The following ARHGAP28 variants were observed in gnomAD, a reference collection of about 807,000 sequenced individuals.
The protein encoded by ARHGAP28 is rho GTPase-activating protein 28.
In ARHGAP28, 56 loss-of-function variants were observed where a neutral mutation model predicts 90.7. The ratio of observed to expected loss-of-function variants is 0.62; its 90% confidence interval spans 0.50 to 0.77. The LOEUF (loss-of-function observed/expected upper bound fraction) is 0.77, where lower values mean the gene tolerates loss of function less well. ARHGAP28 is among the 30% of genes least tolerant of loss of function. The pLI is 0.00. For synonymous variants in ARHGAP28, 308 were observed against 323.3 expected (o/e 0.95, Z 0.51); for missense variants, 869 against 900.9 (o/e 0.96, Z 0.45).
At chr18:6,768,265 T>C (rs2056215496) in intron 1 of ARHGAP28, among the ~76,000 whole-genome samples, 1 of 152,220 alleles carries the variant, frequency 6.6e-6, no homozygotes, top group Admixed American at 6.5e-5. Context: ...CCCTTGACTC[T>C]GTCATTTCTG....
In ARHGAP28 at chr18:6,882,302, A is replaced by G; in HGVS notation, c.1453+3A>G. On this transcript the variant is annotated splice_donor_region_variant and intron_variant, in intron 11 of 17. Transcript: ENST00000383472. The stretch of plus-strand genomic sequence containing the variant: ...TGCCTTCATCAGTCTAATGGAAAGT[A>G]GGTGGAAGACGTTATATGTGAATAC... The G allele has an allele frequency of 6.2e-7, 1 of 1,610,242 alleles. No individual in the cohort carries two copies. Among genetic ancestry groups the G allele is most frequent in the Non-Finnish European group, 8.5e-7 (1 of 1,178,726 alleles).
At chr18:6,827,324 C>A (rs1405721833) in intron 2 of ARHGAP28, among the ~76,000 whole-genome samples, 1 of 148,596 alleles carries the variant, frequency 6.7e-6, no homozygotes, top group Non-Finnish European at 1.5e-5. Flanking sequence ...GGGCTGAACC[C>A]TCCACCTCCC....
Position 6,859,302 on chromosome 18 carries a change from C to A in ARHGAP28, c.637-506C>A, listed in dbSNP as rs567080726. ...GATAGGCCAGCCGCATGGACACAGC[C>A]AGGCTTGCTCTTCTGTCCCTGACTT... On this transcript the variant is annotated intron_variant, in intron 4 of 17. Transcript: ENST00000383472. Among the ~76,000 whole-genome samples, 4 of 152,300 alleles carry A rather than the reference C, an allele frequency of 2.6e-5. No individual in the cohort carries two copies. The East Asian group carries it at 5.8e-4, about 22-fold the overall frequency.
chr18:6,873,725 G>A lies in ARHGAP28; in HGVS notation c.1162G>A (p.Gly388Ser), dbSNP rs923941040. ...AGTTCCACTTACAGTCCTCCTGGAC[G>A]GTGACCGAAAGAAAGACCCTGGAGT... is the stretch of plus-strand genomic sequence containing the variant. ...FGVPLTVLLDGDRKKDPGVKV... is the reference protein window; with the variant it reads ...FGVPLTVLLDSDRKKDPGVKV... Residue 388 changes from glycine to serine, a missense_variant, in exon 9 of 18, where the codon GGT (glycine) becomes AGT (serine). Transcript: ENST00000383472. 24 of 1,613,790 alleles carry A rather than the reference G, an allele frequency of 1.5e-5. No individual in the cohort carries two copies. The highest frequency in any genetic ancestry group is 4.4e-5 in the South Asian group (4 of 91,074).
At chr18:6,847,628 GGGGTGTGTGT>G (rs2056876413) in intron 3 of ARHGAP28, among the ~76,000 whole-genome samples, 1 of 65,680 alleles carries the variant, frequency 1.5e-5, no homozygotes, top group East Asian at 8.9e-4. Flanking sequence ...AGAGAGAGTG[GGGGTGTGTGT>G]GTGTGTGTGT....
At chr18:6,815,352 C>T (rs1432669848) in intron 1 of ARHGAP28, among the ~76,000 whole-genome samples, 1 of 152,050 alleles carries the variant, frequency 6.6e-6, no homozygotes, top group African/African-American at 2.4e-5. Context: ...CAACCCATGC[C>T]CCTTTGGGAA....
At position 6,915,063 on chromosome 18, in the gene ARHGAP28, T is replaced by C. The variant is rs906759584; in HGVS notation, c.*2909T>C. 1.3e-5 allele frequency: 2 copies of C among 152,610 alleles called. No individual in the cohort carries two copies. Among genetic ancestry groups the C allele is most frequent in the Middle Eastern group, 3.2e-3 (1 of 316 alleles). The allele number at this position is 152,610 out of a possible 1,614,324, so 9.5% of individuals were successfully genotyped here. A position where few individuals can be genotyped will look rare whatever the true frequency, so the allele number is the denominator to read the frequency against. ...AAATCACTTCAGTTAGCTTTCAGTGTATGTTTAATAATATACATTTAATGA... is the reference window on the plus strand; with the variant it reads ...AAATCACTTCAGTTAGCTTTCAGTGCATGTTTAATAATATACATTTAATGA... On this transcript the variant is annotated 3_prime_UTR_variant, in exon 18 of 18. Transcript: ENST00000383472.
In ARHGAP28 at chr18:6,852,365, G is replaced by A. The variant is rs562395199; in HGVS notation, c.636+1239G>A. ...TAATCTGTCAAGGTGTTGGTTTATT[G>A]AAAATGTAAAATAATCCTTCTAGTT... On this transcript the variant is annotated intron_variant, in intron 4 of 17. Transcript: ENST00000383472. 1.7e-3 allele frequency among the ~76,000 whole-genome samples: 253 copies of A among 152,258 alleles called. 2 individuals are homozygous for A. Among genetic ancestry groups the A allele is most frequent in the African/African-American group, 5.8e-3 (243 of 41,546 alleles).
chr18:6,892,712 G>A (rs1463620315), intron 14 of ARHGAP28, among the ~76,000 whole-genome samples: 1 of 152,174 alleles, frequency 6.6e-6, no homozygotes, highest in Non-Finnish European at 1.5e-5. Flanking sequence ...ATTTTGTAAA[G>A]TCTGTATTCT....
rs185555542 is a variant in ARHGAP28, at chr18:6,733,368, T to G, written c.122+3425T>G. 2.2e-3 allele frequency among the ~76,000 whole-genome samples: 338 copies of G among 152,284 alleles called. 3 individuals carry two copies. In the Middle Eastern group the frequency reaches 0.027, roughly 12 times the overall value. ...GTCTGCTGTGGCATTTAAAATACTG[T>G]TATACATATTTCCTTTTGAGCTTTT... On this transcript the variant is annotated intron_variant, in intron 1 of 17. Coordinates refer to ENST00000383472, the MANE Select transcript of ARHGAP28 (RefSeq NM_001366230.1).
At chr18:6,851,266 G>A (rs2056908987) in intron 4 of ARHGAP28, 140 bp downstream of exon 4, 5 of 735,626 alleles carry the variant, frequency 6.8e-6, no homozygotes, top group Admixed American at 5.6e-5. Context: ...TCTACCTTAG[G>A]TGATTTTTAA....
At chr18:6,836,443 C>T (rs891631880) in intron 2 of ARHGAP28, among the ~76,000 whole-genome samples, 3 of 152,058 alleles carry the variant, frequency 2.0e-5, no homozygotes, top group African/African-American at 2.4e-5. Context: ...CAGGGAGTCG[C>T]TCTGTGACTG....
intron 1 of ARHGAP28, among the ~76,000 whole-genome samples, chr18:6,739,669 C>G (rs920283771): frequency 1.3e-5 from 2 of 150,566 alleles, no homozygotes; most frequent in African/African-American, 4.9e-5. Flanking sequence ...CTCTCTCTCT[C>G]TCTTTCTTTC....
intron 1 of ARHGAP28, among the ~76,000 whole-genome samples, chr18:6,770,595 G>A (rs2056234602): frequency 6.6e-6 from 1 of 152,204 alleles, no homozygotes; most frequent in Admixed American, 6.5e-5. Flanking sequence ...ACCTTCTATA[G>A]TTGAGCTCTC....
intron 1 of ARHGAP28, among the ~76,000 whole-genome samples, chr18:6,810,872 G>C (rs747101): frequency 0.11 from 16,070 of 152,102 alleles, 1,227 homozygotes; most frequent in Non-Finnish European, 0.15. Context: ...AGACAGATCT[G>C]TGTTTCTCAA....
Position 6,744,431 on chromosome 18 carries a change from C to T in ARHGAP28, c.122+14488C>T, listed in dbSNP as rs565538416. Among the ~76,000 whole-genome samples the T allele has an allele frequency of 3.9e-5, 6 of 152,282 alleles. No homozygotes were observed. The East Asian group carries it at 1.2e-3, about 29-fold the overall frequency. On this transcript the variant is annotated intron_variant, in intron 1 of 17. Coordinates refer to ENST00000383472, the MANE Select transcript of ARHGAP28 (RefSeq NM_001366230.1). The stretch of plus-strand genomic sequence containing the variant: ...TTAGTTGACCTCAAGGGTCTTTTCT[C>T]ATGCTTAGATTCTATTTTTCCCTAT...
intron 1 of ARHGAP28, among the ~76,000 whole-genome samples, chr18:6,747,842 G>A (rs1237569537): frequency 6.6e-6 from 1 of 152,192 alleles, no homozygotes; most frequent in Non-Finnish European, 1.5e-5. Flanking sequence ...CTTACCCCCA[G>A]TGACTCACAC....
chr18:6,894,737 C>G, intron 14 of ARHGAP28, 98 bp from the exon 15 acceptor site: 2 of 952,124 alleles, frequency 2.1e-6, no homozygotes, highest in Non-Finnish European at 1.6e-6. Context: ...ATAAATATTG[C>G]CAAAATGTTC....
intron 1 of ARHGAP28, among the ~76,000 whole-genome samples, chr18:6,750,819 T>C (rs2056062827): frequency 6.6e-6 from 1 of 152,210 alleles, no homozygotes; most frequent in Admixed American, 6.5e-5. Flanking sequence ...GATTAACTTT[T>C]CATCACATAA....
Sources: gnomAD v4.1 joint callset for allele counts (sites outside exome capture counted in the v4.1 genomes callset) on GRCh38, gnomAD v4.1.1 for gene constraint, MANE v1.5 for transcripts, NCBI Gene and HGNC (gene_info 2026-07-23, HGNC 2026-07-21) for gene names.